DNAAF4: variants seen among roughly 807,000 people sequenced by gnomAD.
The protein encoded by DNAAF4 is dynein assembly factor 4, axonemal.
DNAAF4 carries 43 observed loss-of-function variants against 51.8 expected under a neutral mutation model. The observed-to-expected ratio is 0.83, with a 90% CI of 0.65 to 1.07. The LOEUF (loss-of-function observed/expected upper bound fraction) is 1.07, where lower values mean the gene tolerates loss of function less well. DNAAF4 is among the 50% of genes least tolerant of loss of function. The pLI is 0.00. For synonymous variants in DNAAF4, 194 were observed against 165.6 expected (o/e 1.17, Z -1.32); for missense variants, 581 against 493.0 (o/e 1.18, Z -1.69).
downstream of DNAAF4, among the ~76,000 whole-genome samples, chr15:55,427,267 C>A (rs1595885885): frequency 6.6e-6 from 1 of 152,136 alleles, no homozygotes; most frequent in East Asian, 1.9e-4. Flanking sequence ...GGGGTTTCAC[C>A]ATCTTGGCCA....
chr15:55,473,834 A>AC (rs1448354112), intron 4 of DNAAF4, among the ~76,000 whole-genome samples: 1 of 151,888 alleles, frequency 6.6e-6, no homozygotes, highest in Non-Finnish European at 1.5e-5. Flanking sequence ...TCTACAAAAA[A>AC]TAAAAAAATT....
chr15:55,445,032 C>CTTTTTTTTTTTTTT (rs35988188), intron 6 of DNAAF4, among the ~76,000 whole-genome samples: 2 of 109,042 alleles, frequency 1.8e-5, no homozygotes, highest in Non-Finnish European at 3.6e-5. Flanking sequence ...ATTGAATACC[C>CTTTTTTTTTTTTTT]TTTTTTTTTT....
chr15:55,433,933 TAAAATATA>T lies in DNAAF4; in HGVS notation c.1047+964_1047+971del, dbSNP rs1392186173. Among the ~76,000 whole-genome samples, 7 of 862 alleles carry T rather than the reference TAAAATATA, an allele frequency of 8.1e-3. 1 individual carries two copies. Among genetic ancestry groups the T allele is most frequent in the African/African-American group, 0.011 (7 of 658 alleles). 0.6% of individuals were successfully genotyped at this position (862 alleles called of 152,430 possible). ...ATATAATTATATATATTATATTATATAAAATATATATAATATATATAATATATATAATA... is the reference window on the plus strand; with the variant it reads ...ATATAATTATATATATTATATTATATTATAATATATATAATATATATAATA... On this transcript the variant is annotated intron_variant, in intron 8 of 9. Transcript: ENST00000321149.
chr15:55,478,634 C>T (rs567154239), intron 4 of DNAAF4, among the ~76,000 whole-genome samples: 1 of 152,250 alleles, frequency 6.6e-6, no homozygotes, highest in South Asian at 2.1e-4. Flanking sequence ...AGAAAATATC[C>T]CCACCCAAAT....
At chr15:55,434,182 C>CT (rs890864555) in intron 8 of DNAAF4, among the ~76,000 whole-genome samples, 1 of 148,176 alleles carries the variant, frequency 6.7e-6, no homozygotes, top group Non-Finnish European at 1.5e-5. Flanking sequence ...ATCTCCACAG[C>CT]TTTATTTTTA....
At chr15:55,485,581 A>G (rs2058475653) in intron 4 of DNAAF4, among the ~76,000 whole-genome samples, 1 of 152,226 alleles carries the variant, frequency 6.6e-6, no homozygotes, top group African/African-American at 2.4e-5. Flanking sequence ...ATCCAGTTTA[A>G]AAGATCAGTT....
At chr15:55,449,932 C>T (rs953607343) in intron 6 of DNAAF4, among the ~76,000 whole-genome samples, 2 of 151,782 alleles carry the variant, frequency 1.3e-5, no homozygotes, top group African/African-American at 4.8e-5. Flanking sequence ...CTCCTGACCT[C>T]AAGTGATCCA....
chr15:55,432,535 C>G lies in DNAAF4; in HGVS notation c.1115G>C (p.Arg372Pro). The G allele has an allele frequency of 6.2e-7, 1 of 1,612,302 alleles. No homozygotes were observed. The highest frequency in any genetic ancestry group is 8.5e-7 in the Non-Finnish European group (1 of 1,178,832). ...TTCTAGTTGACAGAATGCTGTTCCA[C>G]GTCGTACATGTGCCTTCATTCTTGC... ...ANARMKAHVR[R>P]GTAFCQLELY... The change falls in exon 9 of 10, where the codon CGT becomes CCT. Residue 372 changes from arginine to proline, a missense_variant. By Grantham distance (103) the Arg-to-Pro change is moderately radical. Transcript: ENST00000321149.
intron 4 of DNAAF4, among the ~76,000 whole-genome samples, chr15:55,468,948 G>A (rs2058208725): frequency 6.6e-6 from 1 of 152,018 alleles, no homozygotes; most frequent in Non-Finnish European, 1.5e-5. Flanking sequence ...GGTAACAGAA[G>A]GAACTACAAT....
chr15:55,433,906 A>T lies in DNAAF4; in HGVS notation c.1047+999T>A, dbSNP rs1224812982. On this transcript the variant is annotated intron_variant, in intron 8 of 9. Transcript: ENST00000321149. The stretch of plus-strand genomic sequence containing the variant: ...ATATTATATATATATTATATATATT[A>T]TATATAATTATATATATTATATTAT... 1.0e-2 allele frequency among the ~76,000 whole-genome samples: 119 copies of T among 11,910 alleles called. 5 individuals carry two copies. The highest frequency in any genetic ancestry group is 0.016 in the Admixed American group (8 of 488). The allele number at this position is 11,910 out of a possible 152,430, so 7.8% of individuals were successfully genotyped here.
Position 55,454,711 on chromosome 15 carries a change from T to G in DNAAF4, c.638-4344A>C, listed in dbSNP as rs148851078. On this transcript the variant is annotated intron_variant, in intron 5 of 9. Transcript: ENST00000321149. ...AGAAGGTAATATTTGAAGACAATAGTTTTGAAATTCCCAGAATTGATGAAT... is the reference window on the plus strand; with the variant it reads ...AGAAGGTAATATTTGAAGACAATAGGTTTGAAATTCCCAGAATTGATGAAT... 4.6e-3 allele frequency among the ~76,000 whole-genome samples: 694 copies of G among 152,256 alleles called. 5 individuals carry two copies. Among genetic ancestry groups the G allele is most frequent in the African/African-American group, 0.016 (646 of 41,560 alleles).
chr15:55,423,310 C>G (rs944488806), intron 7 of DNAAF4, among the ~76,000 whole-genome samples: 1 of 151,970 alleles, frequency 6.6e-6, no homozygotes, highest in African/African-American at 2.4e-5. Context: ...CCGGCTCAAG[C>G]GATTTTCCAA....
chr15:55,451,260 A>G (rs1013335024), intron 5 of DNAAF4, among the ~76,000 whole-genome samples: 6 of 152,248 alleles, frequency 3.9e-5, no homozygotes. Context: ...ACAGTCGTTG[A>G]GCACTGTTGC....
intron 4 of DNAAF4, among the ~76,000 whole-genome samples, chr15:55,480,787 C>A (rs1210641287): frequency 1.3e-5 from 2 of 152,186 alleles, no homozygotes; most frequent in Non-Finnish European, 2.9e-5. Flanking sequence ...GTATGCCTTA[C>A]AAAATCAGGT....
At chr15:55,421,732 C>CA (rs1037961518) in intron 7 of DNAAF4, among the ~76,000 whole-genome samples, 5 of 150,598 alleles carry the variant, frequency 3.3e-5, no homozygotes, top group Non-Finnish European at 5.9e-5. Flanking sequence ...ACTAAAAATA[C>CA]AAAAAAAATT....
intron 1 of DNAAF4, among the ~76,000 whole-genome samples, chr15:55,501,014 T>A (rs1325592829): frequency 1.1e-4 from 12 of 113,912 alleles, no homozygotes; most frequent in Middle Eastern, 4.2e-3. Context: ...AAAAAAAAAA[T>A]GGAAACTTAA....
At position 55,497,915 on chromosome 15, in the gene DNAAF4, A is replaced by G. The variant is rs2058662396; in HGVS notation, c.124-56T>C. 7 of 1,550,706 alleles carry G rather than the reference A, an allele frequency of 4.5e-6. No individual in the cohort carries two copies. The South Asian group carries it at 8.5e-5, about 19-fold the overall frequency. Reference sequence around the variant, plus strand: ...TTAGTTACACAAATTAAGCACGCGTATTAAGAAACACGTGAAAAAGGTAAA... The same window carrying G: ...TTAGTTACACAAATTAAGCACGCGTGTTAAGAAACACGTGAAAAAGGTAAA... On this transcript the variant is annotated intron_variant, in intron 2 of 9. Transcript: ENST00000321149.
At chr15:55,469,666 AT>A (rs1258642191) in intron 4 of DNAAF4, among the ~76,000 whole-genome samples, 1 of 149,896 alleles carries the variant, frequency 6.7e-6, no homozygotes, top group Non-Finnish European at 1.5e-5. Flanking sequence ...TTTTTTTTAT[AT>A]TTTTAGTAGA....
In DNAAF4 at chr15:55,498,445, G is replaced by C; in HGVS notation, c.-116C>G. On this transcript the variant is annotated 5_prime_UTR_variant, in exon 2 of 10. Transcript: ENST00000321149. ...TCCGGGTCAGGCCGGCCGGGAGCCC[G>C]GCGTTCCCAGCGTGCTCCGGCGCCA... is the stretch of plus-strand genomic sequence containing the variant. 2 of 1,457,386 alleles carry C rather than the reference G, an allele frequency of 1.4e-6. No homozygotes were observed. The highest frequency in any genetic ancestry group is 1.4e-5 in the South Asian group (1 of 70,220). The allele number at this position is 1,457,386 out of a possible 1,614,324, so 90.3% of individuals were successfully genotyped here.
Sources: gnomAD v4.1 joint callset for allele counts (sites outside exome capture counted in the v4.1 genomes callset) on GRCh38, gnomAD v4.1.1 for gene constraint, MANE v1.5 for transcripts, NCBI Gene and HGNC (gene_info 2026-07-23, HGNC 2026-07-21) for gene names.